NCKAP5: variants seen among roughly 807,000 people sequenced by gnomAD.
NCKAP5 encodes the protein nck-associated protein 5.
NCKAP5 carries 92 observed loss-of-function variants against 167.0 expected under a neutral mutation model. That is an observed-to-expected ratio of 0.55 (90% CI 0.47 to 0.66). The LOEUF (loss-of-function observed/expected upper bound fraction) is 0.66. NCKAP5 is among the 30% of genes least tolerant of loss of function. NCKAP5 has a pLI of 0.00. For missense variants in NCKAP5, 2,378 were observed against 2,315.0 expected (o/e 1.03, Z -0.56); for synonymous variants, 891 against 877.4 (o/e 1.02, Z -0.27).
At chr2:133,644,505 C>T in the NCKAP5 span, among the ~76,000 whole-genome samples, 3 of 152,164 alleles carry the variant, frequency 2.0e-5, no homozygotes, top group African/African-American at 4.8e-5. Context: ...AGTTCACCCA[C>T]GTTGGAATGG....
At chr2:133,597,784 A>G in the NCKAP5 span, among the ~76,000 whole-genome samples, 1 of 151,992 alleles carries the variant, frequency 6.6e-6, no homozygotes, top group African/African-American at 2.4e-5. Flanking sequence ...GCTGAGGTCA[A>G]TCTTCTCACC....
chr2:133,446,926 G>A (rs984882398), intron 3 of NCKAP5, among the ~76,000 whole-genome samples: 1 of 152,102 alleles, frequency 6.6e-6, no homozygotes, highest in African/African-American at 2.4e-5. Flanking sequence ...TCAGAGAAGG[G>A]AACCAAAAGC....
intron 5 of NCKAP5, among the ~76,000 whole-genome samples, chr2:133,137,830 C>T (rs534392874): frequency 6.6e-6 from 1 of 152,194 alleles, no homozygotes; most frequent in Admixed American, 6.5e-5. Context: ...AATTTTACTT[C>T]CGCGCAGAGG....
At chr2:133,484,754 A>C (rs1341829174) in intron 3 of NCKAP5, among the ~76,000 whole-genome samples, 2 of 152,208 alleles carry the variant, frequency 1.3e-5, no homozygotes, top group African/African-American at 4.8e-5. Flanking sequence ...ATATAAATGA[A>C]GTTGGGTCCC....
At chr2:132,879,071 A>T (rs1278140767) in intron 8 of NCKAP5, among the ~76,000 whole-genome samples, 155 bp from the exon 9 acceptor site, 1 of 152,222 alleles carries the variant, frequency 6.6e-6, no homozygotes, top group Non-Finnish European at 1.5e-5. Flanking sequence ...TATTATAAAT[A>T]TCGCAGGGAT....
At chr2:133,637,648 A>C in the NCKAP5 span, among the ~76,000 whole-genome samples, 1 of 144,874 alleles carries the variant, frequency 6.9e-6, no homozygotes, top group Non-Finnish European at 1.5e-5. Flanking sequence ...ACAGACTATG[A>C]AAGAGAGAAT....
At chr2:133,047,494 T>C (rs13005713) in intron 6 of NCKAP5, among the ~76,000 whole-genome samples, 1 of 152,260 alleles carries the variant, frequency 6.6e-6, no homozygotes, top group African/African-American at 2.4e-5. Flanking sequence ...AAGGTATTTG[T>C]TCCTCTGGCT....
At chr2:133,162,504 C>G (rs148953240) in intron 5 of NCKAP5, among the ~76,000 whole-genome samples, 1 of 152,160 alleles carries the variant, frequency 6.6e-6, no homozygotes, top group Non-Finnish European at 1.5e-5. Flanking sequence ...TTTATTCATC[C>G]CTGTAAATAT....
intron 3 of NCKAP5, among the ~76,000 whole-genome samples, chr2:133,391,600 A>G (rs1687411094): frequency 6.6e-6 from 1 of 152,052 alleles, no homozygotes. Context: ...CAAGTTTGAA[A>G]TCTGGGAAAT....
At chr2:133,617,898 A>G in the NCKAP5 span, among the ~76,000 whole-genome samples, 1 of 152,018 alleles carries the variant, frequency 6.6e-6, no homozygotes, top group South Asian at 2.1e-4. Flanking sequence ...ACCTGACTTC[A>G]AACTATACTA....
chr2:133,547,915 C>T (rs1416220282), intron 2 of NCKAP5, among the ~76,000 whole-genome samples: 4 of 146,260 alleles, frequency 2.7e-5, no homozygotes, highest in African/African-American at 7.6e-5. Context: ...AGGCTTCAGA[C>T]GATCAAATTA....
At chr2:133,476,800 T>C (rs568940312) in intron 3 of NCKAP5, among the ~76,000 whole-genome samples, 1 of 152,340 alleles carries the variant, frequency 6.6e-6, no homozygotes, top group East Asian at 1.9e-4. Flanking sequence ...ATATTTTCTT[T>C]AGGAAAATAC....
intron 3 of NCKAP5, among the ~76,000 whole-genome samples, chr2:133,433,193 T>G (rs1574947349): frequency 6.6e-6 from 1 of 152,210 alleles, no homozygotes; most frequent in East Asian, 1.9e-4. Flanking sequence ...ATGACTTTAA[T>G]GTGGTAAATT....
intron 7 of NCKAP5, among the ~76,000 whole-genome samples, chr2:132,983,293 T>A (rs1283428690): frequency 6.6e-6 from 1 of 152,194 alleles, no homozygotes; most frequent in Non-Finnish European, 1.5e-5. Context: ...TTTGGATACC[T>A]TTTATTTCTT....
intron 13 of NCKAP5, among the ~76,000 whole-genome samples, chr2:132,786,822 C>T (rs1223630513): frequency 3.3e-5 from 5 of 152,128 alleles, no homozygotes; most frequent in Non-Finnish European, 4.4e-5. Flanking sequence ...TTCTCAGGCT[C>T]TTTCTATAGT....
intron 3 of NCKAP5, among the ~76,000 whole-genome samples, chr2:133,514,281 A>C (rs1261372960): frequency 6.6e-6 from 1 of 152,148 alleles, no homozygotes; most frequent in Admixed American, 6.5e-5. Flanking sequence ...GTGAATAATA[A>C]AGTAAAAAAA....
intron 2 of NCKAP5, among the ~76,000 whole-genome samples, chr2:133,529,703 A>G (rs752684577): frequency 6.6e-6 from 1 of 152,216 alleles, no homozygotes; most frequent in Non-Finnish European, 1.5e-5. Flanking sequence ...TCATAGCTGA[A>G]CAGAACCAAT....
chr2:133,534,470 C>T (rs551353681), intron 2 of NCKAP5, among the ~76,000 whole-genome samples: 8 of 152,182 alleles, frequency 5.3e-5, no homozygotes, highest in South Asian at 4.1e-4. Flanking sequence ...AAACCCCATA[C>T]GCATCAGCAG....
intron 6 of NCKAP5, 73 bp downstream of exon 6, chr2:133,129,905 A>G (rs2082538118): frequency 6.9e-7 from 1 of 1,448,874 alleles, no homozygotes; most frequent in African/African-American, 1.4e-5. Context: ...CTCAATGGAC[A>G]TTCAATCCAA....
Sources: gnomAD v4.1 joint callset for allele counts (sites outside exome capture counted in the v4.1 genomes callset) on GRCh38, gnomAD v4.1.1 for gene constraint, MANE v1.5 for transcripts, NCBI Gene and HGNC (gene_info 2026-07-23, HGNC 2026-07-21) for gene names.